Variants in DMD observed in about 807,000 individuals in gnomAD.
DMD encodes the protein mutant dystrophin.
A neutral mutation model predicts 330.1 loss-of-function variants in DMD; 63 were observed. That is an observed-to-expected ratio of 0.19 (90% CI 0.16 to 0.24). The LOEUF is 0.24. Among genes scored for constraint, DMD ranks in the 10% least tolerant of loss-of-function variants. DMD has a pLI of 1.00. For synonymous variants in DMD, 1,223 were observed against 959.8 expected, an observed-to-expected ratio of 1.27 and a Z score of -5.07; for missense variants, 3,344 against 2,684.1, an observed-to-expected ratio of 1.25 and a Z score of -5.43.
chrX:31,555,738 T>C (rs1001843061), intron 55 of DMD, among the ~76,000 whole-genome samples: 3 of 112,035 alleles, frequency 2.7e-5, no homozygotes, highest in South Asian at 7.5e-4. Context: ...CACACCATAA[T>C]TGGGAAGGCT....
intron 47 of DMD, among the ~76,000 whole-genome samples, chrX:31,890,849 G>T (rs113539412): frequency 0.16 from 17,392 of 110,728 alleles, 1,187 homozygotes; most frequent in Admixed American, 0.27. Context: ...CTATTCCTTT[G>T]CCTTCATCTG....
At chrX:31,613,434 G>A (rs1335679501) in intron 55 of DMD, among the ~76,000 whole-genome samples, 9 of 111,581 alleles carry the variant, frequency 8.1e-5, no homozygotes, top group African/African-American at 2.9e-4. Flanking sequence ...AGGCATGTGA[G>A]TGAGCCCTCT....
intron 1 of DMD, among the ~76,000 whole-genome samples, chrX:33,165,976 G>A (rs2049032245): frequency 9.0e-6 from 1 of 111,189 alleles, no homozygotes; most frequent in Admixed American, 9.7e-5. Context: ...AGGAAGCAAA[G>A]AAGGTAACTG....
At chrX:32,909,545 A>C (rs2087038210) in intron 2 of DMD, among the ~76,000 whole-genome samples, 1 of 111,597 alleles carries the variant, frequency 9.0e-6, no homozygotes, top group South Asian at 3.8e-4. Context: ...TTGTAGGAGA[A>C]CAGATATTTT....
At chrX:32,763,463 T>G (rs2072580951) in intron 7 of DMD, among the ~76,000 whole-genome samples, 1 of 112,044 alleles carries the variant, frequency 8.9e-6, no homozygotes, top group African/African-American at 3.2e-5. Context: ...ACAGTGTTTG[T>G]CTGCTTTAGT....
chrX:31,153,133 A>G (rs1245893369), intron 74 of DMD, among the ~76,000 whole-genome samples: 1 of 111,663 alleles, frequency 9.0e-6, no homozygotes, highest in South Asian at 3.8e-4. Context: ...TGATACAGAG[A>G]TATCACTCAT....
At chrX:32,567,397 G>C (rs1218206550) in intron 15 of DMD, among the ~76,000 whole-genome samples, 1 of 111,526 alleles carries the variant, frequency 9.0e-6, no homozygotes, top group Non-Finnish European at 1.9e-5. Context: ...ATAGGTAGGT[G>C]GTTTTTCTTT....
In DMD at chrX:33,071,618, G is replaced by GAAT. The variant is rs765647638; in HGVS notation, c.32-51421_32-51419dup. Among the ~76,000 whole-genome samples the GAAT allele has an allele frequency of 9.3e-3, 1,034 of 110,598 alleles. 9 individuals carry two copies. Among genetic ancestry groups the GAAT allele is most frequent in the African/African-American group, 0.033 (999 of 30,270 alleles). ...TTACAAGAGTTCAGCTGAGCTTAAA[G>GAAT]AATATATTCATTTGAAGCCCAATCA... On this transcript the variant is annotated intron_variant, in intron 1 of 78. Coordinates refer to ENST00000357033, the MANE Select transcript of DMD (RefSeq NM_004006.3).
intron 7 of DMD, 55 bp downstream of exon 7, chrX:32,809,438 G>A (rs2077182693): frequency 4.0e-6 from 4 of 1,009,872 alleles, no homozygotes; most frequent in Non-Finnish European, 5.6e-6. Context: ...AGTCTCAGAT[G>A]AAAACATTAA....
chrX:31,359,456 T>C (rs2058828001), intron 60 of DMD, among the ~76,000 whole-genome samples: 1 of 112,025 alleles, frequency 8.9e-6, no homozygotes, highest in Admixed American at 9.5e-5. Context: ...AGTCCCTTAC[T>C]AGCTATTTAA....
intron 29 of DMD, among the ~76,000 whole-genome samples, chrX:32,415,896 T>C (rs1230150979): frequency 1.8e-5 from 2 of 112,391 alleles, no homozygotes; most frequent in Non-Finnish European, 3.8e-5. Flanking sequence ...ATCTTTAAAG[T>C]ACTATGGAAA....
chrX:32,389,100 T>G lies in DMD; in HGVS notation c.4518+401A>C, dbSNP rs756547458. Among the ~76,000 whole-genome samples, 3 of 111,717 alleles carry G rather than the reference T, an allele frequency of 2.7e-5. No homozygotes were observed. The East Asian group carries it at 8.4e-4, about 31-fold the overall frequency. ...TCCTTAAATTCTCTCAGGTAATCTG[T>G]AGCCTTAAGAATTAAAGGTGACTTC... On this transcript the variant is annotated intron_variant, in intron 32 of 78. Coordinates refer to ENST00000357033, the MANE Select transcript of DMD (RefSeq NM_004006.3).
At chrX:32,570,186 T>A (rs2052242647) in intron 15 of DMD, among the ~76,000 whole-genome samples, 2 of 111,341 alleles carry the variant, frequency 1.8e-5, no homozygotes, top group Admixed American at 1.9e-4. Flanking sequence ...GAAGAGAGTT[T>A]AGCACAGTGT....
chrX:31,402,592 T>C lies in DMD; in HGVS notation c.9084+41889A>G, dbSNP rs138761011. Among the ~76,000 whole-genome samples the C allele has an allele frequency of 9.0e-3, 1,007 of 111,769 alleles. 6 individuals are homozygous for C. The highest frequency in any genetic ancestry group is 0.014 in the Non-Finnish European group (751 of 53,068). On this transcript the variant is annotated intron_variant, in intron 60 of 78. Coordinates refer to ENST00000357033, the MANE Select transcript of DMD (RefSeq NM_004006.3). Reference sequence around the variant, plus strand: ...CCAGTTGGTGAAAAGCAAAGGAAAATTCTAGGAAACTGCCAAAAGAAAGAG... The same window carrying C: ...CCAGTTGGTGAAAAGCAAAGGAAAACTCTAGGAAACTGCCAAAAGAAAGAG...
chrX:31,364,510 A>G (rs1407158387), intron 60 of DMD, among the ~76,000 whole-genome samples: 1 of 112,147 alleles, frequency 8.9e-6, no homozygotes, highest in East Asian at 2.8e-4. Flanking sequence ...TGTCACTTAC[A>G]GCCAAGAGTC....
intron 39 of DMD, among the ~76,000 whole-genome samples, chrX:32,345,183 C>A (rs2097759754): frequency 9.0e-6 from 1 of 111,258 alleles, no homozygotes; most frequent in Non-Finnish European, 1.9e-5. Flanking sequence ...AGAAAATCAG[C>A]CATGCATGCA....
chrX:32,287,161 A>T (rs2097445333), intron 43 of DMD, among the ~76,000 whole-genome samples: 1 of 111,857 alleles, frequency 8.9e-6, no homozygotes, highest in South Asian at 3.7e-4. Context: ...TAGTATTTTA[A>T]ACATGTTAAT....
At chrX:32,902,442 A>G (rs749869111) in intron 2 of DMD, among the ~76,000 whole-genome samples, 6 of 111,076 alleles carry the variant, frequency 5.4e-5, no homozygotes, top group Non-Finnish European at 1.1e-4. Context: ...ATAGATACTG[A>G]TAATTCAAAA....
At chrX:33,229,182 C>T (rs2052345950) in intron 1 of DMD, among the ~76,000 whole-genome samples, 1 of 110,840 alleles carries the variant, frequency 9.0e-6, no homozygotes, top group Non-Finnish European at 1.9e-5. Flanking sequence ...TAAGAGGATC[C>T]TTTTCAGATC....
Sources: gnomAD v4.1 joint callset for allele counts (sites outside exome capture counted in the v4.1 genomes callset) on GRCh38, gnomAD v4.1.1 for gene constraint, MANE v1.5 for transcripts, NCBI Gene and HGNC (gene_info 2026-07-23, HGNC 2026-07-21) for gene names.